ADAMTS12: variants seen among roughly 807,000 people sequenced by gnomAD.
The protein encoded by ADAMTS12 is ADAM metallopeptidase with thrombospondin type 1 motif 12.
Under a neutral mutation model 167.8 loss-of-function variants are expected in ADAMTS12, and 118 were observed. The ratio of observed to expected loss-of-function variants is 0.70; its 90% CI spans 0.61 to 0.82. The LOEUF is 0.82. Ranked by LOEUF, ADAMTS12 falls within the 40% of genes least tolerant of loss-of-function variation. The probability of loss-of-function intolerance (pLI) is 0.00; values close to 1 mark genes in which losing one functional copy is unlikely to be tolerated. For missense variants in ADAMTS12, 1,916 were observed against 1,998.8 expected, an observed-to-expected ratio of 0.96 and a Z score of 0.79; for synonymous variants, 704 against 716.9, an observed-to-expected ratio of 0.98 and a Z score of 0.29.
chr5:33,549,167 A>C lies in ADAMTS12; in HGVS notation c.4302+40T>G, dbSNP rs776029823. On this transcript the variant is annotated intron_variant, in intron 21 of 23. Transcript: ENST00000504830. ...GTAACACAGAGATTCATGGCTTGCC[A>C]GGTTGTGTGAGGACATCTCTCCCTT... 8.2e-6 allele frequency: 13 copies of C among 1,588,844 alleles called. No individual in the cohort carries two copies. The Admixed American group carries it at 8.6e-5, about 11-fold the overall frequency.
chr5:33,739,632 C>T lies in ADAMTS12; in HGVS notation c.634+11772G>A. ...TTGTGTCCAGACTCGGTTTCTAGGACTGCCACTTCCTCCTTTCAATGTTCT... is the reference window on the plus strand; with the variant it reads ...TTGTGTCCAGACTCGGTTTCTAGGATTGCCACTTCCTCCTTTCAATGTTCT... On this transcript the variant is annotated intron_variant, in intron 3 of 23. Transcript: ENST00000504830. Among the ~76,000 whole-genome samples the T allele has an allele frequency of 1.3e-5, 2 of 152,218 alleles. 1 individual carries two copies. Among genetic ancestry groups the T allele is most frequent in the Non-Finnish European group, 2.9e-5 (2 of 68,038 alleles).
chr5:33,838,840 A>G (rs1465144022), intron 2 of ADAMTS12, among the ~76,000 whole-genome samples: 1 of 152,278 alleles, frequency 6.6e-6, no homozygotes, highest in East Asian at 1.9e-4. Flanking sequence ...CTTACCACAG[A>G]ATAAGGAAGG....
Position 33,816,120 on chromosome 5 carries a change from G to T in ADAMTS12, c.490-64572C>A, listed in dbSNP as rs369903759. Among the ~76,000 whole-genome samples the T allele has an allele frequency of 3.9e-5, 6 of 152,196 alleles. No homozygotes were observed. The South Asian group carries it at 1.0e-3, about 26-fold the overall frequency. On this transcript the variant is annotated intron_variant, in intron 2 of 23. Transcript: ENST00000504830. ...TATCCTTGGGTGAAAAATGCGCACC[G>T]CCTGTCAGATCTTTTTCTGTCTTCT...
In ADAMTS12 at chr5:33,576,793, G is replaced by C; in HGVS notation, c.3233C>G (p.Ser1078Cys). 1 of 1,614,204 alleles carries C rather than the reference G, an allele frequency of 6.2e-7. No homozygotes were observed. Among genetic ancestry groups the C allele is most frequent in the Admixed American group, 1.7e-5 (1 of 60,018 alleles). ...QDSSTQPELS[S>C]RYLISTGSTS... ...GCTTCCAGTGGAAATGAGATAGCGA[G>C]AGCTCAGCTCAGGTTGGGTTGAGCT... The change falls in exon 19 of 24, where the codon TCT (serine) becomes TGT (cysteine). Residue 1078 changes from serine to cysteine, a missense_variant. By Grantham distance (112) the Ser-to-Cys change is moderately radical. Transcript: ENST00000504830.
chr5:33,836,694 C>T (rs1028041094), intron 2 of ADAMTS12, among the ~76,000 whole-genome samples: 3 of 151,960 alleles, frequency 2.0e-5, no homozygotes, highest in Admixed American at 1.3e-4. Flanking sequence ...CAGCAGCTCT[C>T]GGAGGAGGTG....
At chr5:33,625,758 T>C (rs1210922780) in intron 13 of ADAMTS12, among the ~76,000 whole-genome samples, 2 of 152,210 alleles carry the variant, frequency 1.3e-5, no homozygotes, top group Admixed American at 1.3e-4. Context: ...CACAGCATAT[T>C]AAATGGGTTC....
intron 2 of ADAMTS12, among the ~76,000 whole-genome samples, chr5:33,850,325 G>A (rs1579991499): frequency 6.6e-6 from 1 of 152,186 alleles, no homozygotes; most frequent in Admixed American, 6.5e-5. Flanking sequence ...TCAGACCTCA[G>A]GGGAAGCTGG....
chr5:33,703,652 T>C (rs558390830), intron 3 of ADAMTS12, among the ~76,000 whole-genome samples: 1 of 152,346 alleles, frequency 6.6e-6, no homozygotes, highest in African/African-American at 2.4e-5. Context: ...ATGGCATTTA[T>C]CTTTCTGTGT....
chr5:33,881,734 G>GTTTTTTTT (rs11295558), intron 1 of ADAMTS12, among the ~76,000 whole-genome samples: 1 of 120,186 alleles, frequency 8.3e-6, no homozygotes, highest in Non-Finnish European at 1.8e-5. Context: ...GGCTAATTTT[G>GTTTTTTTT]TTTTTTTTTT....
chr5:33,781,166 A>G (rs1371432976), intron 2 of ADAMTS12, among the ~76,000 whole-genome samples: 2 of 152,160 alleles, frequency 1.3e-5, no homozygotes, highest in Admixed American at 6.6e-5. Context: ...CAATTCATAC[A>G]TACATAGATA....
intron 18 of ADAMTS12, among the ~76,000 whole-genome samples, chr5:33,580,038 T>C (rs137885862): frequency 2.7e-4 from 41 of 152,316 alleles, no homozygotes; most frequent in Middle Eastern, 3.4e-3. Flanking sequence ...TGCTGGATGT[T>C]TTTAGATTCA....
At chr5:33,729,450 C>A (rs997138298) in intron 3 of ADAMTS12, among the ~76,000 whole-genome samples, 1 of 152,174 alleles carries the variant, frequency 6.6e-6, no homozygotes, top group Admixed American at 6.5e-5. Context: ...TACAAGCATT[C>A]ACAAGAAATA....
intron 7 of ADAMTS12, among the ~76,000 whole-genome samples, chr5:33,653,118 T>TA (rs1213989513): frequency 1.3e-5 from 2 of 152,144 alleles, no homozygotes; most frequent in African/African-American, 2.4e-5. Flanking sequence ...AGGGGAAACA[T>TA]ATTCAGTGAT....
At chr5:33,884,656 C>T (rs541137695) in intron 1 of ADAMTS12, among the ~76,000 whole-genome samples, 2 of 152,290 alleles carry the variant, frequency 1.3e-5, no homozygotes, top group South Asian at 4.1e-4. Flanking sequence ...CCTCTCCTCA[C>T]GTGCATACTA....
intron 2 of ADAMTS12, among the ~76,000 whole-genome samples, chr5:33,767,073 T>C (rs1452570028): frequency 1.3e-5 from 2 of 149,350 alleles, no homozygotes; most frequent in Non-Finnish European, 3.0e-5. Context: ...GGCAAACAAA[T>C]TGCACATCTA....
At chr5:33,825,420 TAG>T (rs762713291) in intron 2 of ADAMTS12, among the ~76,000 whole-genome samples, 16 of 152,130 alleles carry the variant, frequency 1.1e-4, no homozygotes, top group Non-Finnish European at 2.4e-4. Flanking sequence ...ATCATGTCAT[TAG>T]ATGAGAGATT....
chr5:33,615,927 C>A lies in ADAMTS12; in HGVS notation c.2289G>T (p.Gly763=). The part of the protein sequence containing the change: ...LNGGFIIQWN[G]NYKLAGTVFQ... ...AGACAGTCCCTGCCAGCTTATAGTT[C>A]CCGTTCCACTGGATAATAAACCCTC... is the stretch of plus-strand genomic sequence containing the variant. Residue 763 remains glycine (G), a synonymous_variant, in exon 15 of 24, where the codon GGG becomes GGT. Coordinates refer to ENST00000504830, the MANE Select transcript of ADAMTS12 (RefSeq NM_030955.4). The A allele has an allele frequency of 6.2e-7, 1 of 1,614,166 alleles. No homozygotes were observed.
chr5:33,598,102 G>A (rs1163133854), intron 16 of ADAMTS12, among the ~76,000 whole-genome samples: 1 of 152,190 alleles, frequency 6.6e-6, no homozygotes, highest in Non-Finnish European at 1.5e-5. Context: ...GGATAGGCCA[G>A]GCAGATGTCA....
chr5:33,577,825 C>T (rs1746837806), intron 18 of ADAMTS12, among the ~76,000 whole-genome samples: 1 of 152,152 alleles, frequency 6.6e-6, no homozygotes, highest in Non-Finnish European at 1.5e-5. Context: ...CTCAGCATGG[C>T]ACTGAGGTAT....
Sources: gnomAD v4.1 joint callset for allele counts (sites outside exome capture counted in the v4.1 genomes callset) on GRCh38, gnomAD v4.1.1 for gene constraint, MANE v1.5 for transcripts, NCBI Gene and HGNC (gene_info 2026-07-23, HGNC 2026-07-21) for gene names.